Variants in KCNMA1 observed in about 807,000 individuals in gnomAD.
KCNMA1 encodes the protein potassium calcium-activated channel subfamily M alpha 1.
Under a neutral mutation model 140.0 loss-of-function variants are expected in KCNMA1, and 29 were observed. The observed-to-expected ratio is 0.21, with a 90% CI of 0.15 to 0.28. The LOEUF is 0.28. Ranked by LOEUF, KCNMA1 falls within the 10% of genes least tolerant of loss-of-function variation. The probability of loss-of-function intolerance (pLI) is 1.00; values close to 1 mark genes in which losing one functional copy is unlikely to be tolerated. For missense variants in KCNMA1, 880 were observed against 1,602.2 expected, an observed-to-expected ratio of 0.55 and a Z score of 7.70; for synonymous variants, 612 against 611.9, an observed-to-expected ratio of 1.00 and a Z score of 0.00.
At chr10:77,205,769 A>T (rs1310931993) in intron 3 of KCNMA1, among the ~76,000 whole-genome samples, 1 of 152,172 alleles carries the variant, frequency 6.6e-6, no homozygotes, top group Non-Finnish European at 1.5e-5. Context: ...TGCTCCTTCT[A>T]GTCATCACTC....
In KCNMA1 at chr10:77,042,933, T is replaced by C. The variant is rs1432749340; in HGVS notation, c.1750-3296A>G. On this transcript the variant is annotated intron_variant, in intron 14 of 27. Coordinates refer to ENST00000286628, the MANE Select transcript of KCNMA1 (RefSeq NM_001161352.2). ...TTCTGATTAAATCAAAACTGGTATT[T>C]ACTTCCCCATATTTTTCTCTTTGCT... Among the ~76,000 whole-genome samples, 6 of 152,256 alleles carry C rather than the reference T, an allele frequency of 3.9e-5. No homozygotes were observed. In the East Asian group the frequency reaches 9.6e-4, roughly 24 times the overall value.
intron 2 of KCNMA1, among the ~76,000 whole-genome samples, chr10:77,388,911 G>A (rs1268740079): frequency 6.6e-6 from 1 of 152,166 alleles, no homozygotes; most frequent in Non-Finnish European, 1.5e-5. Flanking sequence ...GGGCCGCAGT[G>A]CTATGGAAAC....
chr10:77,494,583 G>A (rs897288975), intron 1 of KCNMA1, among the ~76,000 whole-genome samples: 3 of 152,196 alleles, frequency 2.0e-5, no homozygotes, highest in Non-Finnish European at 4.4e-5. Flanking sequence ...ACCCAGATGG[G>A]GAGGCCTTGC....
chr10:77,480,087 G>T (rs894356313), intron 1 of KCNMA1, among the ~76,000 whole-genome samples: 1 of 152,180 alleles, frequency 6.6e-6, no homozygotes. Flanking sequence ...AGCTGGATGC[G>T]CCTCCCTCCG....
intron 1 of KCNMA1, among the ~76,000 whole-genome samples, chr10:77,542,700 G>T (rs1226952898): frequency 6.7e-6 from 1 of 149,718 alleles, no homozygotes; most frequent in African/African-American, 2.5e-5. Flanking sequence ...AAAGCAAGCA[G>T]CAATCAAACA....
At chr10:76,958,416 G>A (rs1195389788) in intron 20 of KCNMA1, among the ~76,000 whole-genome samples, 1 of 152,172 alleles carries the variant, frequency 6.6e-6, no homozygotes, top group Non-Finnish European at 1.5e-5. Flanking sequence ...CAATGTACAT[G>A]CCCTATTTTA....
chr10:77,228,838 C>T (rs2052502165), intron 3 of KCNMA1, among the ~76,000 whole-genome samples: 1 of 152,196 alleles, frequency 6.6e-6, no homozygotes, highest in East Asian at 1.9e-4. Context: ...AAAGCCCTCA[C>T]TACCATGGGC....
Position 77,060,327 on chromosome 10 carries a change from C to T in KCNMA1, c.1749+12770G>A, listed in dbSNP as rs180922181. On this transcript the variant is annotated intron_variant, in intron 14 of 27. Coordinates refer to ENST00000286628, the MANE Select transcript of KCNMA1 (RefSeq NM_001161352.2). ...CCATTTTAAGCAACAGAAGATTGTTCCTAGACCTTGAAGCTCAATGGAGTT... is the reference window on the plus strand; with the variant it reads ...CCATTTTAAGCAACAGAAGATTGTTTCTAGACCTTGAAGCTCAATGGAGTT... Among the ~76,000 whole-genome samples, 4 of 152,276 alleles carry T rather than the reference C, an allele frequency of 2.6e-5. No individual in the cohort carries two copies. In the East Asian group the frequency reaches 7.7e-4, roughly 29 times the overall value.
chr10:77,456,591 T>C (rs1372661755), intron 1 of KCNMA1, among the ~76,000 whole-genome samples: 2 of 152,104 alleles, frequency 1.3e-5, no homozygotes, highest in Admixed American at 1.3e-4. Context: ...GCAAGGCAAA[T>C]GTTTGCTGAA....
At chr10:77,092,276 A>T (rs1338089326) in intron 9 of KCNMA1, 1 of 152,226 alleles carries the variant, frequency 6.6e-6, no homozygotes, top group Non-Finnish European at 1.5e-5. Flanking sequence ...CATATATTTT[A>T]AAATGTTTCT....
chr10:77,402,750 C>G (rs1418364840), intron 2 of KCNMA1, among the ~76,000 whole-genome samples: 3 of 152,234 alleles, frequency 2.0e-5, no homozygotes, highest in Non-Finnish European at 4.4e-5. Context: ...GAGATAATGA[C>G]TGTTTTCCAG....
chr10:77,518,179 C>T (rs984948808), intron 1 of KCNMA1, among the ~76,000 whole-genome samples: 6 of 152,180 alleles, frequency 3.9e-5, no homozygotes, highest in Non-Finnish European at 5.9e-5. Flanking sequence ...AAACAGGTTC[C>T]CCATTGCACT....
At chr10:77,015,008 A>G (rs1188438083) in intron 17 of KCNMA1, among the ~76,000 whole-genome samples, 1 of 151,944 alleles carries the variant, frequency 6.6e-6, no homozygotes, top group East Asian at 1.9e-4. Context: ...TTTGGGATCT[A>G]CCCCATTCTC....
intron 9 of KCNMA1, among the ~76,000 whole-genome samples, chr10:77,093,195 G>T (rs562880616): frequency 5.9e-5 from 9 of 152,144 alleles, no homozygotes; most frequent in African/African-American, 2.2e-4. Flanking sequence ...TGATTTCTGG[G>T]GTGGAGAGCT....
At chr10:77,284,436 C>T (rs1487652600) in intron 2 of KCNMA1, among the ~76,000 whole-genome samples, 1 of 152,118 alleles carries the variant, frequency 6.6e-6, no homozygotes, top group African/African-American at 2.4e-5. Flanking sequence ...AACAGCAGAA[C>T]CAAATCAAAT....
At chr10:77,485,028 T>C (rs533549264) in intron 1 of KCNMA1, among the ~76,000 whole-genome samples, 2 of 152,326 alleles carry the variant, frequency 1.3e-5, no homozygotes, top group Non-Finnish European at 2.9e-5. Flanking sequence ...AGGGATGTTC[T>C]AAGCCAATTT....
intron 14 of KCNMA1, among the ~76,000 whole-genome samples, chr10:77,040,329 T>C (rs990394415): frequency 6.6e-6 from 1 of 152,164 alleles, no homozygotes; most frequent in Non-Finnish European, 1.5e-5. Flanking sequence ...ACAATTCCAT[T>C]TGAAGTATTC....
At chr10:76,905,177 C>T (rs533651047) in intron 25 of KCNMA1, 6 of 152,258 alleles carry the variant, frequency 3.9e-5, no homozygotes, top group East Asian at 1.9e-4. Flanking sequence ...TGTGACATTT[C>T]GAGACTTCTA....
At chr10:76,891,224 G>T (rs2039917921) in intron 26 of KCNMA1, among the ~76,000 whole-genome samples, 1 of 152,206 alleles carries the variant, frequency 6.6e-6, no homozygotes, top group Admixed American at 6.5e-5. Context: ...CTGAAGCCAG[G>T]ATGCCTTGGT....
Sources: allele counts gnomAD v4.1 joint callset (sites outside exome capture counted in the v4.1 genomes callset), GRCh38; gene constraint gnomAD v4.1.1; transcripts MANE v1.5; gene names NCBI Gene and HGNC (gene_info 2026-07-23, HGNC 2026-07-21).